Variants in KCNIP4 observed in about 807,000 individuals in gnomAD.
The protein encoded by KCNIP4 is Kv channel-interacting protein 4.
In KCNIP4, 12 loss-of-function variants were observed where a neutral mutation model predicts 34.0. That is an observed-to-expected ratio of 0.35 (90% CI 0.23 to 0.57). The LOEUF (loss-of-function observed/expected upper bound fraction) is 0.57. Ranked by LOEUF, KCNIP4 falls within the 20% of genes least tolerant of loss-of-function variation. The pLI is 0.83. For missense variants in KCNIP4, 238 were observed against 311.7 expected (o/e 0.76, Z 1.78); for synonymous variants, 124 against 102.2 (o/e 1.21, Z -1.29).
At chr4:21,500,428 A>T (rs1248806345) in intron 1 of KCNIP4, among the ~76,000 whole-genome samples, 1 of 152,150 alleles carries the variant, frequency 6.6e-6, no homozygotes, top group Non-Finnish European at 1.5e-5. Context: ...AACTTCTCTG[A>T]GTCTTAATTG....
chr4:21,494,307 T>C (rs1039857355), intron 1 of KCNIP4, among the ~76,000 whole-genome samples: 1 of 152,108 alleles, frequency 6.6e-6, no homozygotes, highest in South Asian at 2.1e-4. Flanking sequence ...GTTATAAGGA[T>C]TGACTTAGAA....
At chr4:21,556,535 G>A (rs1292875497) in intron 1 of KCNIP4, among the ~76,000 whole-genome samples, 1 of 152,040 alleles carries the variant, frequency 6.6e-6, no homozygotes, top group Non-Finnish European at 1.5e-5. Context: ...AGAAGTGATT[G>A]GCCATTATTG....
At chr4:21,075,654 T>A (rs966657010) in intron 1 of KCNIP4, among the ~76,000 whole-genome samples, 2 of 152,182 alleles carry the variant, frequency 1.3e-5, no homozygotes, top group Non-Finnish European at 2.9e-5. Context: ...AGGTTAATAT[T>A]GTTATGTGTG....
intron 1 of KCNIP4, among the ~76,000 whole-genome samples, chr4:21,877,355 A>AAAATAAATAAATAAAT (rs369426118): frequency 2.9e-4 from 44 of 152,038 alleles, no homozygotes; most frequent in African/African-American, 1.0e-3. Context: ...CTCCATCTCA[A>AAAATAAATAAATAAAT]AAATAAATAA....
intron 1 of KCNIP4, among the ~76,000 whole-genome samples, chr4:21,371,216 T>C (rs1279261381): frequency 6.9e-6 from 1 of 145,770 alleles, no homozygotes; most frequent in Admixed American, 6.6e-5. Context: ...AGGAATGAAA[T>C]ATTCCAATAA....
At chr4:20,774,569 C>A (rs1756207558) in intron 3 of KCNIP4, among the ~76,000 whole-genome samples, 2 of 152,202 alleles carry the variant, frequency 1.3e-5, no homozygotes, top group African/African-American at 4.8e-5. Flanking sequence ...TGATGACTAT[C>A]AGAGAAGTCA....
chr4:21,576,468 G>A (rs1740749038), intron 1 of KCNIP4, among the ~76,000 whole-genome samples: 1 of 152,004 alleles, frequency 6.6e-6, no homozygotes, highest in Non-Finnish European at 1.5e-5. Context: ...AATTTTCTTT[G>A]AAAATTTTGG....
intron 2 of KCNIP4, among the ~76,000 whole-genome samples, chr4:20,851,319 G>T (rs1314267849): frequency 6.6e-6 from 1 of 152,162 alleles, no homozygotes; most frequent in East Asian, 1.9e-4. Context: ...TTGCTGTAGA[G>T]AATGGCTTCC....
chr4:21,405,197 T>C (rs915924145), intron 1 of KCNIP4, among the ~76,000 whole-genome samples: 5 of 152,192 alleles, frequency 3.3e-5, no homozygotes, highest in Admixed American at 1.3e-4. Context: ...TCCACTAACA[T>C]GTCACCTAAC....
chr4:21,581,725 G>A (rs1421042982), intron 1 of KCNIP4, among the ~76,000 whole-genome samples: 1 of 151,810 alleles, frequency 6.6e-6, no homozygotes, highest in Admixed American at 6.6e-5. Flanking sequence ...TCACAGCTTG[G>A]TTCAGTCCCT....
At chr4:20,906,938 A>C (rs78135055) in intron 1 of KCNIP4, among the ~76,000 whole-genome samples, 1 of 152,220 alleles carries the variant, frequency 6.6e-6, no homozygotes, top group Admixed American at 6.5e-5. Flanking sequence ...GGTTTGGGGC[A>C]TTGAGTTAAG....
At chr4:21,187,501 A>AT (rs1349125292) in intron 1 of KCNIP4, among the ~76,000 whole-genome samples, 1 of 152,118 alleles carries the variant, frequency 6.6e-6, no homozygotes, top group East Asian at 1.9e-4. Context: ...GTTAAAATTC[A>AT]TTTTTGTTTA....
At chr4:21,345,651 C>T (rs1717224297) in intron 1 of KCNIP4, among the ~76,000 whole-genome samples, 1 of 152,102 alleles carries the variant, frequency 6.6e-6, no homozygotes, top group African/African-American at 2.4e-5. Context: ...AGGCTGATGG[C>T]CAGGGTATGC....
intron 1 of KCNIP4, among the ~76,000 whole-genome samples, chr4:21,630,206 C>A (rs1341349859): frequency 6.6e-6 from 1 of 151,680 alleles, no homozygotes; most frequent in Non-Finnish European, 1.5e-5. Context: ...GTGGCTCATG[C>A]CTGTAATCCC....
At chr4:21,588,609 G>A (rs1415446984) in intron 1 of KCNIP4, among the ~76,000 whole-genome samples, 2 of 151,760 alleles carry the variant, frequency 1.3e-5, no homozygotes, top group Non-Finnish European at 2.9e-5. Flanking sequence ...TTTACTTATA[G>A]GGAGCTGTGA....
At chr4:20,856,665 G>C (rs1721612691) in intron 2 of KCNIP4, among the ~76,000 whole-genome samples, 2 of 152,120 alleles carry the variant, frequency 1.3e-5, no homozygotes, top group East Asian at 1.9e-4. Context: ...CCAATCCCTT[G>C]AATATTTGCT....
chr4:21,702,770 CACA>C (rs1428944350), intron 1 of KCNIP4, among the ~76,000 whole-genome samples: 3 of 151,896 alleles, frequency 2.0e-5, no homozygotes, highest in Admixed American at 1.3e-4. Flanking sequence ...ATTGGCATGA[CACA>C]ACAACTAGAG....
chr4:21,015,483 T>C (rs931434643), intron 1 of KCNIP4, among the ~76,000 whole-genome samples: 2 of 140,744 alleles, frequency 1.4e-5, no homozygotes, highest in African/African-American at 5.2e-5. Context: ...TAATATATAT[T>C]ATATATAACA....
chr4:21,436,397 T>C (rs1342810806), intron 1 of KCNIP4, among the ~76,000 whole-genome samples: 1 of 152,182 alleles, frequency 6.6e-6, no homozygotes, highest in Non-Finnish European at 1.5e-5. Context: ...CTTTACTCTT[T>C]TTTTGGATAT....
Sources: allele counts gnomAD v4.1 joint callset (sites outside exome capture counted in the v4.1 genomes callset), GRCh38; gene constraint gnomAD v4.1.1; transcripts MANE v1.5; gene names NCBI Gene and HGNC (gene_info 2026-07-23, HGNC 2026-07-21).